The following MPO variants were observed in gnomAD, a reference collection of about 807,000 sequenced individuals.
MPO encodes myeloperoxidase.
Under a neutral mutation model 69.4 loss-of-function variants are expected in MPO, and 57 were observed. The observed-to-expected ratio is 0.82, with a 90% CI of 0.66 to 1.02. The LOEUF (loss-of-function observed/expected upper bound fraction) is 1.02. Ranked by LOEUF, MPO falls within the 50% of genes least tolerant of loss-of-function variation. The pLI, the probability that MPO is intolerant of heterozygous loss-of-function variation, is 0.00. For synonymous variants in MPO, 426 were observed against 417.1 expected, an observed-to-expected ratio of 1.02 and a Z score of -0.26; for missense variants, 971 against 1,014.1, an observed-to-expected ratio of 0.96 and a Z score of 0.58.
rs776055976 is a variant in MPO at position 58,270,824 on chromosome 17, C to CTGCTGCATGCTGCA, written c.2069_2070insTGCAGCATGCAGCA (p.Gln690HisfsTer52). 1 of 1,613,810 alleles carries CTGCTGCATGCTGCA rather than the reference C, an allele frequency of 6.2e-7. No homozygotes were observed. Among genetic ancestry groups the CTGCTGCATGCTGCA allele is most frequent in the South Asian group, 1.1e-5 (1 of 91,070 alleles). On this transcript the variant is annotated frameshift_variant, in exon 12 of 12. Coordinates refer to ENST00000225275, the MANE Select transcript of MPO (RefSeq NM_000250.2). LOFTEE classifies it high-confidence loss of function. This position sits in a 1 kb window ranked among gnomAD's most constrained non-coding sequence, Gnocchi z 4.1. ...ATGAGATCTGGGCCAGGGCCTGTCG[C>CTGCTGCATGCTGCA]TGCTGCATGCTGAACACACCCTCGT...
In MPO at chr17:58,279,415, G is replaced by T. The variant is rs1339824361; in HGVS notation, c.560C>A (p.Thr187Lys). Residue 187 changes from threonine to lysine, a missense_variant, in exon 5 of 12, where the codon ACG becomes AAG. Thr to Lys is a moderately conservative substitution (Grantham distance 78). Transcript: ENST00000225275. ...TGMCNNRRSP[T>K]LGASNRAFVR... ...AAAGGCACGGTTGGAGGCCCCCAGC[G>T]TGGGGCTGCGTCTGCAGGGGAGGAC... is the stretch of plus-strand genomic sequence containing the variant. 6.2e-7 allele frequency: 1 copy of T among 1,609,710 alleles called. No homozygotes were observed.
Position 58,270,420 on chromosome 17 carries a change from A to T in MPO, c.*236T>A. ...CTCATCAGCACAAACACACACTCAC[A>T]TAAATGGCACATACACATAACCCAT... is the stretch of plus-strand genomic sequence containing the variant. On this transcript the variant is annotated 3_prime_UTR_variant, in exon 12 of 12. Transcript: ENST00000225275. This position sits in a 1 kb window ranked among gnomAD's most constrained non-coding sequence, Gnocchi z 4.1. 1 of 547,006 alleles carries T rather than the reference A, an allele frequency of 1.8e-6. No individual in the cohort carries two copies. The highest frequency in any genetic ancestry group is 1.9e-5 in the South Asian group (1 of 52,090). The allele number at this position is 547,006 out of a possible 1,614,324, so 33.9% of individuals were successfully genotyped here.
intron 2 of MPO, 59 bp downstream of exon 2, chr17:58,280,307 G>A (rs1970499509): frequency 6.4e-7 from 1 of 1,560,184 alleles, no homozygotes; most frequent in African/African-American, 1.4e-5. Flanking sequence ...GCTGCCTGCT[G>A]CTTCTCTGAA....
chr17:58,273,569 CGT>C lies in MPO; in HGVS notation c.1464_1465del (p.Arg489HisfsTer55). On this transcript the variant is annotated frameshift_variant, in exon 9 of 12. Transcript: ENST00000225275. LOFTEE classifies it high-confidence loss of function. Reference sequence around the variant, plus strand: ...GGCATTGGTGAAGACGTTGGCGATGCGTGGGTCCACTGAGTCATTGTAGGAAC... The same window carrying C: ...GGCATTGGTGAAGACGTTGGCGATGCGGGTCCACTGAGTCATTGTAGGAAC... 6.2e-7 allele frequency: 1 copy of C among 1,614,202 alleles called. No homozygotes were observed. The highest frequency in any genetic ancestry group is 1.1e-5 in the South Asian group (1 of 91,078).
At chr17:58,280,094 G>A in intron 2 of MPO, 80 bp from the exon 3 acceptor site, 2 of 1,564,132 alleles carry the variant, frequency 1.3e-6, no homozygotes, top group Non-Finnish European at 8.7e-7. Context: ...GGGCAGACAT[G>A]CAGGACCATG....
In MPO at chr17:58,271,863, G is replaced by A. The variant is rs201320472; in HGVS notation, c.1822C>T (p.Leu608Phe). 41 of 1,614,022 alleles carry A rather than the reference G, an allele frequency of 2.5e-5. No homozygotes were observed. The highest frequency in any genetic ancestry group is 3.3e-5 in the Non-Finnish European group (39 of 1,180,046). ...TGGCCCACAGTTTCAGGCTGCGGGA[G>A]CCCACAGAAGCGCCTCCAGGCATTG... is the stretch of plus-strand genomic sequence containing the variant. ...GYNAWRRFCG[L>F]PQPETVGQLG... The change falls in exon 11 of 12, where the codon CTC (leucine) becomes TTC (phenylalanine). Residue 608 changes from leucine (L) to phenylalanine (F), a missense_variant. Coordinates refer to ENST00000225275, the MANE Select transcript of MPO (RefSeq NM_000250.2).
chr17:58,275,698 G>A lies in MPO; in HGVS notation c.1209C>T (p.Asp403=), dbSNP rs1480065139. Residue 403 remains aspartate (D), a synonymous_variant, in exon 8 of 12, where the codon GAC becomes GAT. Coordinates refer to ENST00000225275, the MANE Select transcript of MPO (RefSeq NM_000250.2). This position sits in a 1 kb window ranked among gnomAD's most constrained non-coding sequence, Gnocchi z 4.1. ...SARIPCFLAG[D]TRSSEMPELT... is the part of the protein sequence containing the mutation. ...GCTCGGGCATCTCACTGGAACGGGT[G>A]TCCCCTTGGGGAGGCAAAAGCCACT... 1 of 1,614,066 alleles carries A rather than the reference G, an allele frequency of 6.2e-7. No homozygotes were observed. The highest frequency in any genetic ancestry group is 8.5e-7 in the Non-Finnish European group (1 of 1,180,044).
chr17:58,271,007 G>T, intron 11 of MPO, 144 bp from the exon 12 acceptor site: 1 of 815,250 alleles, frequency 1.2e-6, no homozygotes, highest in Non-Finnish European at 2.0e-6. Flanking sequence ...CCCTTGGGCA[G>T]CCCAGGGGCT....
At chr17:58,271,034 T>C (rs1970359450) in intron 11 of MPO, among the ~76,000 whole-genome samples, 171 bp from the exon 12 acceptor site, 1 of 152,130 alleles carries the variant, frequency 6.6e-6, no homozygotes. Context: ...CAAGTGATGC[T>C]CCACTCATCG....
chr17:58,279,657 A>G lies in MPO; in HGVS notation c.425-11T>C, dbSNP rs1425216839. On this transcript the variant is annotated splice_polypyrimidine_tract_variant and intron_variant, in intron 3 of 11. Transcript: ENST00000225275. ...CGGGCGTCAGCACATCTGCCGGGGG[A>G]AAGAACAATGGGGGAGCTGAGCCGC... The G allele has an allele frequency of 1.2e-6, 2 of 1,613,982 alleles. No homozygotes were observed. Among genetic ancestry groups the G allele is most frequent in the African/African-American group, 1.3e-5 (1 of 75,014 alleles).
chr17:58,272,703 G>T (rs764655809), intron 10 of MPO, 45 bp downstream of exon 10: 5 of 1,600,910 alleles, frequency 3.1e-6, no homozygotes, highest in Non-Finnish European at 4.3e-6. Context: ...CTAGGAGGCA[G>T]CTCAGGGGAG....
intron 11 of MPO, 57 bp downstream of exon 11, chr17:58,271,598 A>G: frequency 6.4e-7 from 1 of 1,555,680 alleles, no homozygotes; most frequent in Non-Finnish European, 8.9e-7. Flanking sequence ...GGGCTCCAAG[A>G]GAGTCAAGGA....
intron 8 of MPO, chr17:58,274,320 C>A: frequency 2.3e-6 from 1 of 442,896 alleles, no homozygotes; most frequent in South Asian, 1.6e-5. Flanking sequence ...CCCTTAGCAC[C>A]GAAAACTCTC....
Position 58,279,061 on chromosome 17 carries a change from C to T in MPO, c.832G>A (p.Gly278Ser), listed in dbSNP as rs1247702006. 7 of 1,612,772 alleles carry T rather than the reference C, an allele frequency of 4.3e-6. No homozygotes were observed. Among genetic ancestry groups the T allele is most frequent in the African/African-American group, 2.7e-5 (2 of 74,934 alleles). The stretch of plus-strand genomic sequence containing the variant: ...ACGCAGCTGGTCTCGCAGTTGACGC[C>T]AGTGACGAAGGAGGCCCGGGCGGCC... ...EPAARASFVT[G>S]VNCETSCVQQ... The change falls in exon 6 of 12, where the codon GGC (glycine) becomes AGC (serine). Residue 278 changes from glycine (G) to serine (S), a missense_variant. Coordinates refer to ENST00000225275, the MANE Select transcript of MPO (RefSeq NM_000250.2).
At position 58,279,518 on chromosome 17, in the gene MPO, C is replaced by T. The variant is rs772543133; in HGVS notation, c.548+5G>A. The T allele has an allele frequency of 4.0e-5, 65 of 1,613,890 alleles. 2 individuals carry two copies. In the South Asian group the frequency reaches 5.8e-4, roughly 14 times the overall value. ...GTTCCTGCAGCCACCCCCAGCCAGC[C>T]GCACCTGTTGTTGCACATCCCGGTG... is the stretch of plus-strand genomic sequence containing the variant. On this transcript the variant is annotated splice_donor_5th_base_variant and intron_variant, in intron 4 of 11. Transcript: ENST00000225275.
At chr17:58,278,258 C>A in intron 6 of MPO, 113 bp from the exon 7 acceptor site, 1 of 1,231,386 alleles carries the variant, frequency 8.1e-7, no homozygotes, top group Non-Finnish European at 1.1e-6. Flanking sequence ...TGCAGAGAGG[C>A]CTCCGGAGGC....
At chr17:58,276,314 T>C (rs1970437077) in intron 7 of MPO, among the ~76,000 whole-genome samples, 1 of 152,242 alleles carries the variant, frequency 6.6e-6, no homozygotes, top group South Asian at 2.1e-4. Context: ...TTGTCAGCCC[T>C]GCCCTTTACT....
At position 58,269,988 on chromosome 17, in the gene MPO, A is replaced by G. The variant is rs1970347137; in HGVS notation, c.*668T>C. The G allele has an allele frequency of 1.9e-5, 3 of 154,454 alleles. No individual in the cohort carries two copies. The highest frequency in any genetic ancestry group is 1.9e-4 in the Admixed American group (3 of 15,726). 9.6% of individuals were successfully genotyped at this position (154,454 alleles called of 1,614,324 possible). ...AGCAAGAAATCAGGGTGAGGAAGAA[A>G]AAGGGGAGCCATGGCCTGAGCCTGG... is the stretch of plus-strand genomic sequence containing the variant. On this transcript the variant is annotated 3_prime_UTR_variant, in exon 12 of 12. Coordinates refer to ENST00000225275, the MANE Select transcript of MPO (RefSeq NM_000250.2).
chr17:58,274,172 A>T (rs758875784), intron 8 of MPO: 2 of 500,584 alleles, frequency 4.0e-6, no homozygotes, highest in East Asian at 1.1e-4. Flanking sequence ...GCAGGAAGGA[A>T]CGAAGGGCCA....
Sources: gnomAD v4.1 joint callset for allele counts (sites outside exome capture counted in the v4.1 genomes callset) on GRCh38, gnomAD v4.1.1 for gene constraint, Gnocchi (gnomAD v3.1) non-coding constraint, MANE v1.5 for transcripts, NCBI Gene and HGNC (gene_info 2026-07-23, HGNC 2026-07-21) for gene names.